The following H4C15 variants were observed in gnomAD, a reference collection of about 807,000 sequenced individuals.
H4C15 encodes the protein H4 clustered histone 15.
downstream of H4C15, chr1:149,850,802 C>G (rs1553757755): frequency 3.4e-5 from 6 of 177,428 alleles, no homozygotes; most frequent in East Asian, 1.4e-4. Context: ...CACCGACCCC[C>G]GAGAACGCAA....
downstream of H4C15, among the ~76,000 whole-genome samples, chr1:149,849,606 A>G (rs587634835): frequency 5.9e-5 from 9 of 152,290 alleles, no homozygotes; most frequent in South Asian, 1.9e-3. Context: ...GAAATCGTAT[A>G]TTTTGTTGCT....
At chr1:149,850,059 G>A (rs1321213604), downstream of H4C15, 4 of 402,538 alleles carry the variant, frequency 9.9e-6, no homozygotes, top group African/African-American at 4.1e-5. Context: ...ATATTCACGG[G>A]TACGTAACCA....
chr1:149,848,100 A>G, the H4C15 span: 1 of 152,290 alleles, frequency 6.6e-6, no homozygotes, highest in South Asian at 2.1e-4. Flanking sequence ...TTTATTTAAA[A>G]TTTTTAAATA....
At chr1:149,844,745 T>TA in the H4C15 span, 1 of 150,998 alleles carries the variant, frequency 6.6e-6, no homozygotes, top group South Asian at 2.1e-4. Context: ...CCCACCCAAT[T>TA]AAAAACAGAT....
At chr1:149,845,048 A>C in the H4C15 span, 1 of 152,228 alleles carries the variant, frequency 6.6e-6, no homozygotes. Flanking sequence ...ATGTGGGGGA[A>C]GGTAGTGGTC....
At chr1:149,855,471 TTTTTC>T (rs2092182804), downstream of H4C15, among the ~76,000 whole-genome samples, 1 of 133,838 alleles carries the variant, frequency 7.5e-6, no homozygotes, top group Non-Finnish European at 1.7e-5. Flanking sequence ...TTTACACTGA[TTTTTC>T]TTCCTTAGAA....
chr1:149,850,562 A>C, downstream of H4C15: 2 of 692,342 alleles, frequency 2.9e-6, no homozygotes. Context: ...GATGCGCTCG[A>C]AGATGTCGTT....
chr1:149,849,441 T>TTTACGATCCCCAGAGCA (rs2092160670), downstream of H4C15, among the ~76,000 whole-genome samples: 3 of 152,198 alleles, frequency 2.0e-5, no homozygotes, highest in Admixed American at 1.3e-4. Flanking sequence ...CAGCCTAGGA[T>TTTACGATCCCCAGAGCA]TTACGATCCC....
chr1:149,850,813 G>A (rs1553757761), downstream of H4C15: 2 of 176,016 alleles, frequency 1.1e-5, no homozygotes, highest in Admixed American at 1.5e-4. Context: ...GAGAACGCAA[G>A]CAGAGCGGTA....
At chr1:149,846,292 C>T in the H4C15 span, 1 of 152,182 alleles carries the variant, frequency 6.6e-6, no homozygotes, top group Non-Finnish European at 1.5e-5. Flanking sequence ...CTTGTGCAAT[C>T]ACAAAAGTCA....
downstream of H4C15, chr1:149,850,861 A>G: frequency 2.5e-5 from 3 of 119,670 alleles, no homozygotes; most frequent in Non-Finnish European, 4.2e-5. Context: ...GTACTTACAG[A>G]GGCTGTGCGC....
chr1:149,855,398 T>TGTGG (rs2092181886), downstream of H4C15, among the ~76,000 whole-genome samples: 1 of 146,636 alleles, frequency 6.8e-6, no homozygotes, highest in South Asian at 2.1e-4. Flanking sequence ...TGTGTGTGTG[T>TGTGG]GTGTGTGTGT....
chr1:149,850,468 G>A (rs782431084), downstream of H4C15: 116 of 951,668 alleles, frequency 1.2e-4, no homozygotes, highest in Non-Finnish European at 1.7e-4. Flanking sequence ...TCGCCGGGCA[G>A]CAGCAGGCGC....
At chr1:149,858,588 T>G (rs1322910434), downstream of H4C15, among the ~76,000 whole-genome samples, 6 of 34,146 alleles carry the variant, frequency 1.8e-4, no homozygotes, top group East Asian at 1.7e-3. Context: ...AGATCGAGAC[T>G]CCATCTCAAA....
downstream of H4C15, among the ~76,000 whole-genome samples, chr1:149,849,416 C>T (rs1553757427): frequency 6.6e-6 from 1 of 152,182 alleles, no homozygotes; most frequent in Non-Finnish European, 1.5e-5. Context: ...TTGCTTTCCT[C>T]GCTTCTATTG....
the H4C15 span, chr1:149,846,145 A>T: frequency 6.6e-6 from 1 of 152,036 alleles, no homozygotes; most frequent in Non-Finnish European, 1.5e-5. Context: ...GTGTATATAT[A>T]CACACACACT....
chr1:149,848,124 G>A, the H4C15 span: 2 of 151,558 alleles, frequency 1.3e-5, no homozygotes, highest in African/African-American at 4.9e-5. Context: ...TTTCACATCT[G>A]AAAAAAAACC....
At chr1:149,846,656 G>A in the H4C15 span, 2 of 152,124 alleles carry the variant, frequency 1.3e-5, no homozygotes, top group African/African-American at 2.4e-5. Context: ...GTCTTCTCAT[G>A]TACACAGACA....
downstream of H4C15, among the ~76,000 whole-genome samples, chr1:149,849,859 G>C (rs782718274): frequency 3.3e-5 from 5 of 152,210 alleles, no homozygotes; most frequent in African/African-American, 7.2e-5. Flanking sequence ...CAGGTTTCTC[G>C]ATACCATATA....
Sources: allele counts gnomAD v4.1 joint callset (sites outside exome capture counted in the v4.1 genomes callset), GRCh38; gene constraint gnomAD v4.1.1; transcripts MANE v1.5; gene names NCBI Gene and HGNC (gene_info 2026-07-23, HGNC 2026-07-21).